The following EHF variants were observed in gnomAD, a reference collection of about 807,000 sequenced individuals.
The protein encoded by EHF is ESE3 transcription factor.
In EHF, 14 loss-of-function variants were observed where a neutral mutation model predicts 45.1. That is an observed-to-expected ratio of 0.31 (90% confidence interval 0.21 to 0.49). The LOEUF is 0.49. EHF is among the 20% of genes least tolerant of loss of function. EHF has a pLI of 0.99. For synonymous variants in EHF, 136 were observed against 131.8 expected (o/e 1.03, Z -0.22); for missense variants, 282 against 371.4 (o/e 0.76, Z 1.98).
At chr11:34,625,482 C>G (rs543459019) in intron 1 of EHF, among the ~76,000 whole-genome samples, 2 of 152,190 alleles carry the variant, frequency 1.3e-5, no homozygotes, top group Non-Finnish European at 2.9e-5. Context: ...TTATCCATGA[C>G]TTACTGAGTA....
chr11:34,646,809 GT>G, intron 3 of EHF, 125 bp downstream of exon 3: 1 of 1,246,426 alleles, frequency 8.0e-7, no homozygotes, highest in Non-Finnish European at 1.1e-6. Flanking sequence ...AAATTACCAT[GT>G]CCCAAGACAG....
Position 34,632,762 on chromosome 11 carries a change from A to G in EHF, c.-3-9866A>G, listed in dbSNP as rs1590428422. 29 of 1,324,584 alleles carry G rather than the reference A, an allele frequency of 2.2e-5. 1 individual carries two copies. The highest frequency in any genetic ancestry group is 2.5e-4 in the Middle Eastern group (1 of 4,040). 82.1% of individuals were successfully genotyped at this position (1,324,584 alleles called of 1,614,324 possible). ...AGCTCAGATGACTTTGGAAGGAGCC[A>G]CTATTATTTTGGAAGCCGTGTCCTT... On this transcript the variant is annotated intron_variant, in intron 1 of 8. Coordinates refer to ENST00000257831, the MANE Select transcript of EHF (RefSeq NM_012153.6).
At chr11:34,634,913 A>G (rs1029448280) in intron 1 of EHF, among the ~76,000 whole-genome samples, 2 of 152,090 alleles carry the variant, frequency 1.3e-5, no homozygotes, top group African/African-American at 4.8e-5. Flanking sequence ...CCCAGTTCCC[A>G]GGTTTTATTG....
chr11:34,657,918 T>C (rs1291751285), intron 7 of EHF, among the ~76,000 whole-genome samples: 1 of 151,910 alleles, frequency 6.6e-6, no homozygotes, highest in Non-Finnish European at 1.5e-5. Flanking sequence ...GGGTGGGGCA[T>C]CAAAAATTCA....
chr11:34,622,743 A>T (rs1229380599), intron 1 of EHF, among the ~76,000 whole-genome samples: 1 of 152,236 alleles, frequency 6.6e-6, no homozygotes, highest in East Asian at 1.9e-4. Flanking sequence ...ATTTTCACAC[A>T]AATGGCTAAT....
At chr11:34,622,233 A>G (rs286920) in intron 1 of EHF, 79,855 of 247,968 alleles carry the variant, frequency 0.32, 13,264 homozygotes, top group East Asian at 0.44. Context: ...CTGATTTACC[A>G]TGCTCCCAGG....
At chr11:34,624,883 G>C (rs1192603566) in intron 1 of EHF, among the ~76,000 whole-genome samples, 1 of 152,168 alleles carries the variant, frequency 6.6e-6, no homozygotes, top group Non-Finnish European at 1.5e-5. Context: ...TAGGGACCTG[G>C]TCTAGCACTG....
rs143268664 is a variant in EHF at position 34,655,340 on chromosome 11, G to A, written c.545-1568G>A. 7.2e-5 allele frequency among the ~76,000 whole-genome samples: 11 copies of A among 152,264 alleles called. No individual in the cohort carries two copies. In the South Asian group the frequency reaches 8.3e-4, roughly 11 times the overall value. Reference sequence around the variant, plus strand: ...AAGATGGTTGAAAGGGCCCATGAACGTTGGGAAATATAGAATTGTCAGATT... The same window carrying A: ...AAGATGGTTGAAAGGGCCCATGAACATTGGGAAATATAGAATTGTCAGATT... On this transcript the variant is annotated intron_variant, in intron 6 of 8. Coordinates refer to ENST00000257831, the MANE Select transcript of EHF (RefSeq NM_012153.6).
At chr11:34,651,467 A>G (rs937793525) in intron 4 of EHF, 75 bp from the exon 5 acceptor site, 9 of 1,265,376 alleles carry the variant, frequency 7.1e-6, no homozygotes, top group African/African-American at 5.9e-5. Context: ...TTGATGAACA[A>G]TGAATTAGAA....
At chr11:34,628,326 A>G (rs1852554921) in intron 1 of EHF, among the ~76,000 whole-genome samples, 1 of 152,184 alleles carries the variant, frequency 6.6e-6, no homozygotes. Flanking sequence ...AAGTATTTTG[A>G]CATTGTCTTT....
Position 34,626,788 on chromosome 11 carries a change from T to A in EHF, c.-4+5560T>A, listed in dbSNP as rs1163019214. Among the ~76,000 whole-genome samples, 5 of 152,190 alleles carry A rather than the reference T, an allele frequency of 3.3e-5. No individual in the cohort carries two copies. In the East Asian group the frequency reaches 9.6e-4, roughly 29 times the overall value. On this transcript the variant is annotated intron_variant, in intron 1 of 8. Transcript: ENST00000257831. ...TTATGGCTTGGAAGCTGCTGAGATG[T>A]GGTGTAAAGAACACTGGACTTAGAG...
intron 3 of EHF, 189 bp downstream of exon 3, chr11:34,646,873 G>A: frequency 1.5e-6 from 1 of 678,806 alleles, no homozygotes; most frequent in Non-Finnish European, 2.4e-6. Flanking sequence ...TACCTGGTGT[G>A]CCTAATCCCT....
chr11:34,642,488 G>A (rs759833388), intron 1 of EHF, 140 bp from the exon 2 acceptor site: 15 of 567,886 alleles, frequency 2.6e-5, no homozygotes, highest in Admixed American at 1.5e-4. Flanking sequence ...TACAAAAAAC[G>A]CTTTGGCAAT....
chr11:34,643,024 T>C (rs1433802201), intron 2 of EHF, among the ~76,000 whole-genome samples: 1 of 151,816 alleles, frequency 6.6e-6, no homozygotes, highest in African/African-American at 2.4e-5. Context: ...GAGCTTTTAA[T>C]AGTGTTTTGC....
chr11:34,648,346 A>AAT (rs34971776), intron 3 of EHF, among the ~76,000 whole-genome samples: 9,691 of 147,606 alleles, frequency 0.066, 913 homozygotes, highest in African/African-American at 0.21. Context: ...TGCATTTACA[A>AAT]ATATATATAT....
chr11:34,648,971 C>T (rs2134162236), intron 3 of EHF, 48 bp from the exon 4 acceptor site: 1 of 1,571,788 alleles, frequency 6.4e-7, no homozygotes, highest in Non-Finnish European at 8.7e-7. Flanking sequence ...GCATCCAGTT[C>T]TGGCTCCATC....
chr11:34,629,627 A>G (rs1179445222), intron 1 of EHF, among the ~76,000 whole-genome samples: 1 of 152,210 alleles, frequency 6.6e-6, no homozygotes, highest in African/African-American at 2.4e-5. Flanking sequence ...ACTGTTCCAA[A>G]ATTCAAAACA....
At chr11:34,630,287 T>C (rs1199997065) in intron 1 of EHF, among the ~76,000 whole-genome samples, 1 of 152,226 alleles carries the variant, frequency 6.6e-6, no homozygotes, top group East Asian at 1.9e-4. Flanking sequence ...ATCCAGTCCA[T>C]TTGCTAGCTT....
intron 6 of EHF, among the ~76,000 whole-genome samples, chr11:34,654,986 C>T (rs1390850745): frequency 1.3e-5 from 2 of 152,076 alleles, no homozygotes; most frequent in Non-Finnish European, 2.9e-5. Flanking sequence ...ACAACGTGGC[C>T]CTGTCAGAGT....
Sources: gnomAD v4.1 joint callset for allele counts (sites outside exome capture counted in the v4.1 genomes callset) on GRCh38, gnomAD v4.1.1 for gene constraint, MANE v1.5 for transcripts, NCBI Gene and HGNC (gene_info 2026-07-23, HGNC 2026-07-21) for gene names.